The following SRP54 variants were observed in gnomAD, a reference collection of about 807,000 sequenced individuals.
SRP54 encodes signal recognition particle subunit SRP54.
A neutral mutation model predicts 64.8 loss-of-function variants in SRP54; 10 were observed. The ratio of observed to expected loss-of-function variants is 0.15; its 90% CI spans 0.10 to 0.26. SRP54 has a LOEUF of 0.26. SRP54 is among the 10% of genes least tolerant of loss of function. SRP54 has a pLI of 1.00. For missense variants in SRP54, 325 were observed against 613.7 expected, an observed-to-expected ratio of 0.53 and a Z score of 4.97; for synonymous variants, 193 against 185.6, an observed-to-expected ratio of 1.04 and a Z score of -0.32.
At chr14:34,997,886 G>A (rs575438485) in intron 2 of SRP54, among the ~76,000 whole-genome samples, 47 of 151,862 alleles carry the variant, frequency 3.1e-4, no homozygotes, top group Middle Eastern at 3.4e-3. Context: ...TATATAAAAC[G>A]ACTTTCCAAA....
intron 2 of SRP54, among the ~76,000 whole-genome samples, chr14:34,999,078 T>C (rs915437800): frequency 7.2e-6 from 1 of 139,696 alleles, no homozygotes; most frequent in African/African-American, 2.6e-5. Flanking sequence ...GCAGTGGCAC[T>C]ATCTTGGCTC....
intron 2 of SRP54, among the ~76,000 whole-genome samples, chr14:34,997,229 T>C (rs1057240629): frequency 6.6e-6 from 1 of 152,212 alleles, no homozygotes; most frequent in Non-Finnish European, 1.5e-5. Context: ...CTTGTCTGTT[T>C]TGATTCATTT....
intron 1 of SRP54, among the ~76,000 whole-genome samples, chr14:34,985,129 G>A (rs924662939): frequency 6.6e-6 from 1 of 152,122 alleles, no homozygotes; most frequent in Non-Finnish European, 1.5e-5. Flanking sequence ...TCAAGAGTTC[G>A]AGACCAGCTT....
intron 10 of SRP54, 130 bp downstream of exon 10, chr14:35,014,032 C>CT (rs997047008): frequency 2.4e-5 from 16 of 660,472 alleles, no homozygotes; most frequent in African/African-American, 2.4e-4. Flanking sequence ...GTTTCCTTAC[C>CT]TGTAAAATAG....
chr14:35,014,761 G>A lies in SRP54; in HGVS notation c.904G>A (p.Gly302Arg). Residue 302 changes from glycine to arginine, a missense_variant, in exon 11 of 16, where the codon GGA becomes AGA. Transcript: ENST00000216774. ...SKLLGMGDIE[G>R]LIDKVNELKL... is the part of the protein sequence containing the mutation. Reference sequence around the variant, plus strand: ...TCTTATAGGTATGGGCGACATTGAAGGACTGATAGATAAAGTCAACGAGTT... The same window carrying A: ...TCTTATAGGTATGGGCGACATTGAAAGACTGATAGATAAAGTCAACGAGTT... 6.2e-7 allele frequency: 1 copy of A among 1,613,658 alleles called. No individual in the cohort carries two copies.
intron 4 of SRP54, among the ~76,000 whole-genome samples, chr14:35,007,018 G>A (rs1012791294): frequency 1.3e-5 from 2 of 152,100 alleles, no homozygotes; most frequent in East Asian, 3.8e-4. Context: ...GCAAGACCCT[G>A]TCTCTACAAA....
chr14:34,993,428 T>TA (rs1419648225), intron 1 of SRP54: 4 of 152,240 alleles, frequency 2.6e-5, no homozygotes, highest in Middle Eastern at 3.4e-3. Flanking sequence ...AATGTAATTG[T>TA]AAAAAAATCT....
At chr14:34,985,128 C>G (rs977940377) in intron 1 of SRP54, among the ~76,000 whole-genome samples, 7 of 152,164 alleles carry the variant, frequency 4.6e-5, no homozygotes, top group East Asian at 1.9e-4. Flanking sequence ...CTCAAGAGTT[C>G]GAGACCAGCT....
intron 7 of SRP54, 36 bp downstream of exon 7, chr14:35,008,867 CTCT>C (rs1464920883): frequency 1.5e-6 from 2 of 1,359,360 alleles, no homozygotes; most frequent in East Asian, 4.7e-5. Context: ...ACTTATATCC[CTCT>C]TCTTGTCTGT....
chr14:35,016,682 G>C (rs975381888), intron 11 of SRP54, among the ~76,000 whole-genome samples: 2 of 152,000 alleles, frequency 1.3e-5, no homozygotes, highest in African/African-American at 4.8e-5. Context: ...TTTGATGTCT[G>C]TTTTTCCTGC....
chr14:35,027,849 A>C, intron 14 of SRP54: 1 of 292,228 alleles, frequency 3.4e-6, no homozygotes, highest in African/African-American at 2.2e-5. Flanking sequence ...CGTAGCCTTA[A>C]AAAAGCCTTT....
intron 11 of SRP54, among the ~76,000 whole-genome samples, chr14:35,016,860 T>A (rs2044450786): frequency 1.4e-5 from 1 of 73,166 alleles, no homozygotes; most frequent in South Asian, 5.3e-4. Context: ...TTTTTTTTTT[T>A]CTTCTTTTTT....
At chr14:35,021,188 T>C (rs375454761) in intron 13 of SRP54, among the ~76,000 whole-genome samples, 11 of 152,208 alleles carry the variant, frequency 7.2e-5, no homozygotes, top group African/African-American at 2.7e-4. Context: ...AGTTCACTTC[T>C]GGACAATATA....
At chr14:34,988,685 T>A (rs1460753379) in intron 1 of SRP54, among the ~76,000 whole-genome samples, 2 of 149,726 alleles carry the variant, frequency 1.3e-5, no homozygotes, top group Non-Finnish European at 3.0e-5. Context: ...GGTCCTAGAC[T>A]GTGAACACAT....
chr14:35,007,915 T>C (rs541234312), intron 5 of SRP54, among the ~76,000 whole-genome samples: 3 of 151,726 alleles, frequency 2.0e-5, no homozygotes, highest in South Asian at 4.1e-4. Flanking sequence ...TAGTTTCTTA[T>C]GATTTTTTTT....
chr14:35,013,199 C>G, intron 8 of SRP54, 147 bp from the exon 9 acceptor site: 3 of 667,332 alleles, frequency 4.5e-6, no homozygotes, highest in Non-Finnish European at 7.5e-6. Context: ...AGGTGATCCA[C>G]CTGGCTCGGC....
intron 14 of SRP54, among the ~76,000 whole-genome samples, chr14:35,027,026 C>CTTTT (rs368696128): frequency 2.2e-5 from 3 of 135,062 alleles, no homozygotes; most frequent in Non-Finnish European, 3.1e-5. Flanking sequence ...TTTCTACTTT[C>CTTTT]TTTTTTTTTT....
chr14:35,020,298 C>G (rs10143040), intron 13 of SRP54, among the ~76,000 whole-genome samples: 52,555 of 152,092 alleles, frequency 0.35, 9,681 homozygotes, highest in East Asian at 0.69. Context: ...ATGTTGATGA[C>G]TGCTAACTGA....
At chr14:34,995,135 GTGTGTGTGTGTGTGTGTGTGTGT>G (rs2044048965) in intron 1 of SRP54, among the ~76,000 whole-genome samples, 6 of 56,702 alleles carry the variant, frequency 1.1e-4, no homozygotes, top group African/African-American at 2.2e-4. Context: ...TCAATAAAGG[GTGTGTGTGTGTGTGTGTGTGTGT>G]GTGTGTGTGT....
Sources: gnomAD v4.1 joint callset for allele counts (sites outside exome capture counted in the v4.1 genomes callset) on GRCh38, gnomAD v4.1.1 for gene constraint, MANE v1.5 for transcripts, NCBI Gene and HGNC (gene_info 2026-07-23, HGNC 2026-07-21) for gene names.